NTRK2: variants seen among roughly 807,000 people sequenced by gnomAD.
NTRK2 encodes the protein BDNF/NT-3 growth factors receptor.
Under a neutral mutation model 94.5 loss-of-function variants are expected in NTRK2, and 13 were observed. That is an observed-to-expected ratio of 0.14 (90% CI 0.09 to 0.22). The LOEUF (loss-of-function observed/expected upper bound fraction) is 0.22, where lower values mean the gene tolerates loss of function less well. Among genes scored for constraint, NTRK2 ranks in the 10% least tolerant of loss-of-function variants. The pLI, the probability that NTRK2 is intolerant of heterozygous loss-of-function variation, is 1.00. For synonymous variants in NTRK2, 372 were observed against 407.4 expected, an observed-to-expected ratio of 0.91 and a Z score of 1.05; for missense variants, 639 against 1,071.2, an observed-to-expected ratio of 0.60 and a Z score of 5.63.
intron 14 of NTRK2, among the ~76,000 whole-genome samples, chr9:84,913,228 T>A (rs2077296464): frequency 6.6e-6 from 1 of 152,202 alleles, no homozygotes; most frequent in African/African-American, 2.4e-5. Context: ...TATGCCCTTT[T>A]TAGTGGTTGC....
At chr9:85,003,382 G>A (rs975093819) in intron 17 of NTRK2, among the ~76,000 whole-genome samples, 5 of 152,172 alleles carry the variant, frequency 3.3e-5, no homozygotes, top group Admixed American at 1.3e-4. Context: ...GACCATGAAA[G>A]CTTGTTCTAG....
intron 15 of NTRK2, among the ~76,000 whole-genome samples, chr9:84,938,759 T>TA (rs1005651415): frequency 1.8e-4 from 28 of 151,920 alleles, no homozygotes; most frequent in African/African-American, 5.8e-4. Flanking sequence ...TTTTGATAAA[T>TA]AGAGAGTTGC....
At chr9:84,924,732 C>T (rs1029406301) in intron 14 of NTRK2, among the ~76,000 whole-genome samples, 1 of 152,166 alleles carries the variant, frequency 6.6e-6, no homozygotes, top group Non-Finnish European at 1.5e-5. Flanking sequence ...CAAATAATTC[C>T]ATTGCTTTTA....
intron 12 of NTRK2, among the ~76,000 whole-genome samples, chr9:84,837,726 G>T (rs913597137): frequency 5.3e-5 from 8 of 152,150 alleles, no homozygotes; most frequent in Non-Finnish European, 1.0e-4. Context: ...AAGTCTATTT[G>T]GTTGTCTCAA....
chr9:84,921,283 G>T (rs1324451157), intron 14 of NTRK2, among the ~76,000 whole-genome samples: 1 of 152,336 alleles, frequency 6.6e-6, no homozygotes, highest in South Asian at 2.1e-4. Flanking sequence ...AGCTGAGTTT[G>T]TAGCATGGAC....
At chr9:84,952,416 A>G (rs1823579498) in intron 16 of NTRK2, among the ~76,000 whole-genome samples, 1 of 152,224 alleles carries the variant, frequency 6.6e-6, no homozygotes, top group African/African-American at 2.4e-5. Context: ...CTTGCTTCCC[A>G]AGCCAGGGAG....
At chr9:84,693,806 T>A (rs1473695550) in intron 2 of NTRK2, among the ~76,000 whole-genome samples, 1 of 152,190 alleles carries the variant, frequency 6.6e-6, no homozygotes, top group African/African-American at 2.4e-5. Flanking sequence ...GCTAGTGCAG[T>A]ATGTTTAGTC....
intron 11 of NTRK2, among the ~76,000 whole-genome samples, chr9:84,751,214 T>A (rs887073109): frequency 6.6e-6 from 1 of 152,192 alleles, no homozygotes; most frequent in South Asian, 2.1e-4. Context: ...CCTTTTATTA[T>A]GGACAATTTT....
At chr9:84,974,697 C>T (rs1183822791) in intron 17 of NTRK2, among the ~76,000 whole-genome samples, 2 of 152,168 alleles carry the variant, frequency 1.3e-5, no homozygotes, top group Non-Finnish European at 2.9e-5. Flanking sequence ...TAGTTCATAT[C>T]CTCAAATGAT....
At chr9:84,869,617 T>A (rs2075752347) in intron 14 of NTRK2, among the ~76,000 whole-genome samples, 1 of 152,168 alleles carries the variant, frequency 6.6e-6, no homozygotes, top group African/African-American at 2.4e-5. Context: ...GTAGTGAGTA[T>A]GAGCACTCTC....
chr9:84,693,816 C>T (rs760347908), intron 2 of NTRK2, among the ~76,000 whole-genome samples: 37 of 152,286 alleles, frequency 2.4e-4, no homozygotes, highest in Non-Finnish European at 3.2e-4. Flanking sequence ...TATGTTTAGT[C>T]CTCATCCTAC....
At chr9:84,738,476 T>C (rs2063406691) in intron 9 of NTRK2, among the ~76,000 whole-genome samples, 1 of 152,234 alleles carries the variant, frequency 6.6e-6, no homozygotes, top group Non-Finnish European at 1.5e-5. Flanking sequence ...TTTCAACATC[T>C]GACCATTGCC....
At chr9:84,792,662 C>A (rs2068851445) in intron 12 of NTRK2, among the ~76,000 whole-genome samples, 1 of 152,204 alleles carries the variant, frequency 6.6e-6, no homozygotes, top group Non-Finnish European at 1.5e-5. Flanking sequence ...AATACATATA[C>A]TGAGGCACTG....
At chr9:84,744,919 G>T in intron 10 of NTRK2, 54 bp from the exon 11 acceptor site, 1 of 1,221,710 alleles carries the variant, frequency 8.2e-7, no homozygotes, top group Non-Finnish European at 1.2e-6. Flanking sequence ...TGTGTTTGTT[G>T]GCAGCTTAAT....
At chr9:84,944,287 G>T (rs1464787501) in intron 15 of NTRK2, among the ~76,000 whole-genome samples, 1 of 145,698 alleles carries the variant, frequency 6.9e-6, no homozygotes, top group African/African-American at 2.6e-5. Flanking sequence ...TTTTGAGACG[G>T]AGTCTCGCTC....
chr9:84,767,268 A>G (rs2066126218), intron 12 of NTRK2, among the ~76,000 whole-genome samples: 1 of 152,248 alleles, frequency 6.6e-6, no homozygotes, highest in African/African-American at 2.4e-5. Flanking sequence ...GCATTTTCAG[A>G]GTGAACAAAG....
chr9:84,946,783 T>C (rs996165210), intron 15 of NTRK2, among the ~76,000 whole-genome samples: 3 of 152,220 alleles, frequency 2.0e-5, no homozygotes, highest in Non-Finnish European at 1.5e-5. Context: ...AAAGACAAGA[T>C]GTTACAGGGC....
chr9:84,758,127 T>C (rs887219147), intron 12 of NTRK2, among the ~76,000 whole-genome samples: 8 of 151,042 alleles, frequency 5.3e-5, no homozygotes, highest in Admixed American at 4.6e-4. Flanking sequence ...CTTTGCCAAT[T>C]ATATATATAT....
At chr9:84,996,390 A>T (rs1413202170) in intron 17 of NTRK2, among the ~76,000 whole-genome samples, 2 of 152,266 alleles carry the variant, frequency 1.3e-5, no homozygotes, top group Non-Finnish European at 2.9e-5. Context: ...TGAGATAGCA[A>T]TTCTGCCCCA....
Sources: gnomAD v4.1 joint callset for allele counts (sites outside exome capture counted in the v4.1 genomes callset) on GRCh38, gnomAD v4.1.1 for gene constraint, MANE v1.5 for transcripts, NCBI Gene and HGNC (gene_info 2026-07-23, HGNC 2026-07-21) for gene names.